SCAI: variants seen among roughly 807,000 people sequenced by gnomAD.
The protein encoded by SCAI is suppressor of cancer cell invasion.
In SCAI, 24 loss-of-function variants were observed where a neutral mutation model predicts 92.2. The ratio of observed to expected loss-of-function variants is 0.26; its 90% confidence interval spans 0.19 to 0.37. The LOEUF (loss-of-function observed/expected upper bound fraction) is 0.37. Among genes scored for constraint, SCAI ranks in the 10% least tolerant of loss-of-function variants. The pLI, the probability that SCAI is intolerant of heterozygous loss-of-function variation, is 1.00. For synonymous variants in SCAI, 261 were observed against 258.6 expected, an observed-to-expected ratio of 1.01 and a Z score of -0.09; for missense variants, 450 against 736.2, an observed-to-expected ratio of 0.61 and a Z score of 4.50.
intron 3 of SCAI, among the ~76,000 whole-genome samples, chr9:125,032,896 T>A (rs360205): frequency 6.6e-6 from 1 of 152,100 alleles, no homozygotes; most frequent in Non-Finnish European, 1.5e-5. Context: ...GGATTACAGG[T>A]GTGAGCCACT....
intron 2 of SCAI, among the ~76,000 whole-genome samples, chr9:125,076,760 G>A (rs1425930419): frequency 4.6e-5 from 7 of 151,790 alleles, no homozygotes; most frequent in East Asian, 3.9e-4. Context: ...GTGCAGTGGC[G>A]TGATCTCAGC....
At chr9:124,968,707 A>G in intron 17 of SCAI, 1 of 1,399,726 alleles carries the variant, frequency 7.1e-7, no homozygotes, top group African/African-American at 1.4e-5. Flanking sequence ...TTCATCAAAT[A>G]GACACTCTGC....
intron 17 of SCAI, among the ~76,000 whole-genome samples, chr9:124,957,379 T>C (rs1486796165): frequency 3.3e-5 from 5 of 152,052 alleles, no homozygotes; most frequent in Admixed American, 2.0e-4. Flanking sequence ...TTTTTTTTTT[T>C]TGAGATGGAG....
chr9:125,027,500 T>G (rs1192921055), intron 5 of SCAI, among the ~76,000 whole-genome samples: 5 of 151,734 alleles, frequency 3.3e-5, no homozygotes, highest in Non-Finnish European at 7.4e-5. Context: ...TTTATTGCCT[T>G]TTCTTTTCTT....
At chr9:124,955,023 T>A (rs1831292209) in intron 17 of SCAI, among the ~76,000 whole-genome samples, 1 of 151,878 alleles carries the variant, frequency 6.6e-6, no homozygotes, top group African/African-American at 2.4e-5. Flanking sequence ...AAAAATTAGC[T>A]GGGTGTGGTG....
At chr9:125,053,077 G>A (rs185051136) in intron 3 of SCAI, among the ~76,000 whole-genome samples, 37 of 152,248 alleles carry the variant, frequency 2.4e-4, no homozygotes, top group African/African-American at 8.4e-4. Flanking sequence ...CAAGAGAATC[G>A]TAATCCCAGC....
At chr9:125,069,322 A>ATT (rs998302132) in intron 2 of SCAI, among the ~76,000 whole-genome samples, 2 of 145,526 alleles carry the variant, frequency 1.4e-5, no homozygotes. Flanking sequence ...ATGAGCTCAG[A>ATT]TTTTTTTTTT....
chr9:125,004,914 G>A (rs151317630), intron 9 of SCAI, among the ~76,000 whole-genome samples: 54 of 146,664 alleles, frequency 3.7e-4, no homozygotes, highest in African/African-American at 1.3e-3. Context: ...TCAGCCTCCA[G>A]AGTAGCTGGG....
At chr9:125,051,900 T>C (rs537509701) in intron 3 of SCAI, among the ~76,000 whole-genome samples, 10 of 151,766 alleles carry the variant, frequency 6.6e-5, no homozygotes, top group African/African-American at 2.4e-4. Context: ...GAAATCCCGT[T>C]TCTACTAAAA....
intron 2 of SCAI, among the ~76,000 whole-genome samples, chr9:125,079,508 T>C (rs1402240361): frequency 6.6e-6 from 1 of 152,226 alleles, no homozygotes; most frequent in Non-Finnish European, 1.5e-5. Context: ...TAAATAATTT[T>C]TCACACTTAC....
intron 7 of SCAI, among the ~76,000 whole-genome samples, chr9:125,019,762 T>G (rs1036353623): frequency 1.7e-4 from 26 of 152,098 alleles, no homozygotes; most frequent in African/African-American, 6.0e-4. Flanking sequence ...GAGAGCTACT[T>G]CTGGTGGCCT....
At chr9:124,953,733 G>C (rs769677965) in intron 17 of SCAI, among the ~76,000 whole-genome samples, 1 of 151,530 alleles carries the variant, frequency 6.6e-6, no homozygotes, top group Admixed American at 6.6e-5. Flanking sequence ...TCTTCATTTG[G>C]TAAGTTCTAT....
intron 2 of SCAI, among the ~76,000 whole-genome samples, chr9:125,056,462 C>A (rs970685089): frequency 6.6e-6 from 1 of 152,004 alleles, no homozygotes; most frequent in Non-Finnish European, 1.5e-5. Flanking sequence ...GAGACACCAT[C>A]TCAAAAAACA....
rs1350660541 is a variant in SCAI, at chr9:125,019,089, T to A, written c.708+18A>T. ...ATTTATTTATCAATAATTATGATTT[T>A]TCTTATCAAAAACTGACCTCAATGA... On this transcript the variant is annotated intron_variant, in intron 8 of 17. Transcript: ENST00000336505. 6.4e-7 allele frequency: 1 copy of A among 1,573,422 alleles called. No homozygotes were observed.
rs1835061171 is a variant in SCAI at position 125,117,145 on chromosome 9, C to T, written c.98+25488G>A. Among the ~76,000 whole-genome samples, 5 of 152,292 alleles carry T rather than the reference C, an allele frequency of 3.3e-5. No homozygotes were observed. In the South Asian group the frequency reaches 1.0e-3, roughly 32 times the overall value. ...CCATCATCTCCTCTGAAGTATGTGG[C>T]TTGTCTGTTATCCAATGAAGTAACA... On this transcript the variant is annotated intron_variant, in intron 2 of 17. Transcript: ENST00000336505.
chr9:125,036,489 A>C (rs1334724669), intron 3 of SCAI, among the ~76,000 whole-genome samples: 1 of 152,232 alleles, frequency 6.6e-6, no homozygotes, highest in Non-Finnish European at 1.5e-5. Context: ...AGAAAGAGTC[A>C]AAAGTGATTG....
chr9:125,111,862 G>T (rs186175971), intron 2 of SCAI, among the ~76,000 whole-genome samples: 113 of 152,304 alleles, frequency 7.4e-4, no homozygotes, highest in Non-Finnish European at 9.3e-4. Flanking sequence ...AGTGTCTAGA[G>T]ACGCTAAGGC....
intron 2 of SCAI, chr9:125,066,081 G>T: frequency 1.4e-6 from 1 of 721,810 alleles, no homozygotes; most frequent in South Asian, 1.6e-5. Context: ...AAGAAAAAAA[G>T]AAAACAAAGA....
intron 11 of SCAI, among the ~76,000 whole-genome samples, chr9:125,002,431 C>T (rs1832379069): frequency 6.6e-6 from 1 of 151,068 alleles, no homozygotes; most frequent in Non-Finnish European, 1.5e-5. Flanking sequence ...CTAAATGTTT[C>T]ATAGAGCTCC....
Sources: gnomAD v4.1 joint callset for allele counts (sites outside exome capture counted in the v4.1 genomes callset) on GRCh38, gnomAD v4.1.1 for gene constraint, MANE v1.5 for transcripts, NCBI Gene and HGNC (gene_info 2026-07-23, HGNC 2026-07-21) for gene names.